GPHN: variants seen among roughly 807,000 people sequenced by gnomAD.
GPHN encodes the protein gephyrin.
A neutral mutation model predicts 95.5 loss-of-function variants in GPHN; 17 were observed. That is an observed-to-expected ratio of 0.18 (90% CI 0.12 to 0.27). The LOEUF is 0.27. Among genes scored for constraint, GPHN ranks in the 10% least tolerant of loss-of-function variants. GPHN has a pLI of 1.00. For synonymous variants in GPHN, 320 were observed against 322.5 expected (o/e 0.99, Z 0.08); for missense variants, 660 against 978.1 (o/e 0.67, Z 4.34).
At chr14:67,587,498 C>A in the GPHN span, 1 of 489,140 alleles carries the variant, frequency 2.0e-6, no homozygotes, top group Non-Finnish European at 3.7e-6. Flanking sequence ...CTACCTGATT[C>A]TAGACATAGA....
the GPHN span, among the ~76,000 whole-genome samples, chr14:67,413,530 G>C: frequency 6.6e-6 from 1 of 152,292 alleles, no homozygotes; most frequent in East Asian, 1.9e-4. Context: ...TGTGGAAGGC[G>C]GGGGGTGCCT....
chr14:67,726,045 C>T, the GPHN span: 1 of 1,604,300 alleles, frequency 6.2e-7, no homozygotes, highest in Non-Finnish European at 8.5e-7. Context: ...TGGTTGTGCC[C>T]TATAGAGGAA....
At chr14:67,555,399 T>C in the GPHN span, among the ~76,000 whole-genome samples, 1 of 152,198 alleles carries the variant, frequency 6.6e-6, no homozygotes, top group Non-Finnish European at 1.5e-5. Flanking sequence ...AGAAGTGTTT[T>C]CTATCGATGA....
the GPHN span, among the ~76,000 whole-genome samples, chr14:67,439,913 G>A: frequency 9.2e-5 from 14 of 152,078 alleles, no homozygotes; most frequent in East Asian, 2.1e-3. Flanking sequence ...ATCTCGGCTT[G>A]CTGCAGCCTC....
chr14:66,851,782 T>TATTA (rs2062594717), intron 4 of GPHN, among the ~76,000 whole-genome samples: 1 of 152,002 alleles, frequency 6.6e-6, no homozygotes, highest in Non-Finnish European at 1.5e-5. Context: ...AAGGGGAAAA[T>TATTA]ATAATGAGAC....
the GPHN span, among the ~76,000 whole-genome samples, chr14:67,446,791 T>C: frequency 6.6e-6 from 1 of 152,166 alleles, no homozygotes; most frequent in African/African-American, 2.4e-5. Context: ...ATGAGGATCC[T>C]AAGCTCAGAT....
chr14:66,742,810 G>A (rs1279595524), intron 2 of GPHN, among the ~76,000 whole-genome samples: 1 of 152,166 alleles, frequency 6.6e-6, no homozygotes, highest in African/African-American at 2.4e-5. Context: ...CACCCAGGCT[G>A]GAGTGCAGTG....
the GPHN span, among the ~76,000 whole-genome samples, chr14:67,700,782 C>T: frequency 5.4e-5 from 8 of 147,232 alleles, no homozygotes; most frequent in African/African-American, 7.6e-5. Context: ...CCCAGCACTT[C>T]GGGAGGCCGA....
intron 3 of GPHN, among the ~76,000 whole-genome samples, chr14:66,803,516 C>G (rs2060434798): frequency 6.6e-6 from 1 of 152,114 alleles, no homozygotes; most frequent in Non-Finnish European, 1.5e-5. Flanking sequence ...TCACTCCACC[C>G]CTCTCTTCAG....
the GPHN span, chr14:67,364,568 CA>C: frequency 3.9e-6 from 2 of 515,060 alleles, no homozygotes; most frequent in South Asian, 5.5e-5. Context: ...AAATGTTGAG[CA>C]AAATAAAAAT....
At chr14:67,041,923 G>C (rs1003134111) in intron 10 of GPHN, among the ~76,000 whole-genome samples, 2 of 152,200 alleles carry the variant, frequency 1.3e-5, no homozygotes, top group African/African-American at 4.8e-5. Context: ...ACTGGTATGA[G>C]ATGGTATCTC....
chr14:66,584,610 T>G (rs566184779), intron 1 of GPHN, among the ~76,000 whole-genome samples: 2 of 152,246 alleles, frequency 1.3e-5, no homozygotes, highest in East Asian at 3.9e-4. Flanking sequence ...GTTGTTGAAT[T>G]TTGTGGAAGG....
chr14:67,608,074 C>CA, the GPHN span, among the ~76,000 whole-genome samples: 69 of 145,932 alleles, frequency 4.7e-4, no homozygotes, highest in East Asian at 2.0e-3. Context: ...CCTGTCTCTA[C>CA]AAAAAAAAAA....
intron 1 of GPHN, among the ~76,000 whole-genome samples, chr14:66,530,619 G>A (rs2058883107): frequency 6.6e-6 from 1 of 152,184 alleles, no homozygotes; most frequent in African/African-American, 2.4e-5. Flanking sequence ...CTGGTCTATG[G>A]GTTGTGAAGA....
intron 5 of GPHN, among the ~76,000 whole-genome samples, chr14:66,900,583 A>C (rs2065078125): frequency 6.6e-6 from 1 of 150,908 alleles, no homozygotes; most frequent in Admixed American, 6.6e-5. Flanking sequence ...CCAATCTACT[A>C]CCTATCCTCA....
chr14:66,720,883 A>G (rs1951357), intron 2 of GPHN, among the ~76,000 whole-genome samples: 48,333 of 151,974 alleles, frequency 0.32, 11,078 homozygotes, highest in African/African-American at 0.62. Flanking sequence ...AAACAGAAAA[A>G]CATAACCTAC....
the GPHN span, among the ~76,000 whole-genome samples, chr14:67,580,533 A>C: frequency 2.0e-5 from 3 of 152,268 alleles, no homozygotes; most frequent in Non-Finnish European, 1.5e-5. Flanking sequence ...AAACTATGCC[A>C]CATACCTTCT....
intron 3 of GPHN, among the ~76,000 whole-genome samples, chr14:66,805,072 A>G (rs755762200): frequency 4.6e-5 from 7 of 152,206 alleles, no homozygotes; most frequent in Non-Finnish European, 1.0e-4. Flanking sequence ...TGGGCAATTT[A>G]CAAAAGAAAT....
chr14:66,810,885 C>T lies in GPHN; in HGVS notation c.202-13589C>T, dbSNP rs374698895. Among the ~76,000 whole-genome samples, 5 of 152,152 alleles carry T rather than the reference C, an allele frequency of 3.3e-5. No homozygotes were observed. The South Asian group carries it at 8.3e-4, about 25-fold the overall frequency. On this transcript the variant is annotated intron_variant, in intron 3 of 22. Coordinates refer to ENST00000478722, the MANE Select transcript of GPHN (RefSeq NM_020806.5). ...AATGGGTACCCAAGTCTGTCTTACT[C>T]CCAAACCTATTCCTTTTCTGTTACC...
Sources: gnomAD v4.1 joint callset for allele counts (sites outside exome capture counted in the v4.1 genomes callset) on GRCh38, gnomAD v4.1.1 for gene constraint, MANE v1.5 for transcripts, NCBI Gene and HGNC (gene_info 2026-07-23, HGNC 2026-07-21) for gene names.